MTUS2: variants seen among roughly 807,000 people sequenced by gnomAD.
MTUS2 encodes the protein microtubule-associated tumor suppressor candidate 2.
MTUS2 carries 40 observed loss-of-function variants against 114.1 expected under a neutral mutation model. The ratio of observed to expected loss-of-function variants is 0.35; its 90% CI spans 0.27 to 0.46. MTUS2 has a LOEUF of 0.46. MTUS2 is among the 20% of genes least tolerant of loss of function. MTUS2 has a pLI of 1.00. For synonymous variants in MTUS2, 688 were observed against 672.0 expected (o/e 1.02, Z -0.37); for missense variants, 1,679 against 1,705.4 (o/e 0.98, Z 0.27).
At chr13:29,224,793 A>G (rs1378796564) in intron 5 of MTUS2, among the ~76,000 whole-genome samples, 1 of 152,126 alleles carries the variant, frequency 6.6e-6, no homozygotes, top group African/African-American at 2.4e-5. Flanking sequence ...TTTTCCCACA[A>G]TATTTGCCCT....
chr13:29,323,615 G>A (rs1016819817), intron 6 of MTUS2, among the ~76,000 whole-genome samples: 3 of 152,112 alleles, frequency 2.0e-5, no homozygotes, highest in African/African-American at 7.2e-5. Context: ...AAAAATGTGG[G>A]TAGGTAAAAA....
At chr13:28,991,740 C>T (rs1179840960) in intron 2 of MTUS2, among the ~76,000 whole-genome samples, 1 of 152,110 alleles carries the variant, frequency 6.6e-6, no homozygotes, top group Non-Finnish European at 1.5e-5. Context: ...CTGGCAGGAG[C>T]TTTAAACCTG....
At chr13:29,064,160 G>GT (rs1270823665) in intron 4 of MTUS2, among the ~76,000 whole-genome samples, 1 of 152,202 alleles carries the variant, frequency 6.6e-6, no homozygotes, top group Non-Finnish European at 1.5e-5. Context: ...TCATAGAGTG[G>GT]TAGCATGGGA....
At chr13:29,488,407 G>C (rs983591199) in intron 11 of MTUS2, among the ~76,000 whole-genome samples, 1 of 151,284 alleles carries the variant, frequency 6.6e-6, no homozygotes, top group Non-Finnish European at 1.5e-5. Context: ...TCTAAAGCAG[G>C]CATGGAAATC....
rs530729561 is a variant in MTUS2, at chr13:28,965,945, A to G, written c.-242-58512A>G. On this transcript the variant is annotated intron_variant, in intron 2 of 15. Transcript: ENST00000612955. Reference sequence around the variant, plus strand: ...CAGCAACATCTAGATGGATTTGCCTAAACAACTGGGCACCATGGCCTAGCC... The same window carrying G: ...CAGCAACATCTAGATGGATTTGCCTGAACAACTGGGCACCATGGCCTAGCC... Among the ~76,000 whole-genome samples the G allele has an allele frequency of 2.7e-4, 41 of 152,328 alleles. 1 individual carries two copies. The highest frequency in any genetic ancestry group is 9.4e-4 in the African/African-American group (39 of 41,570).
intron 6 of MTUS2, among the ~76,000 whole-genome samples, chr13:29,282,747 A>G (rs888628257): frequency 2.6e-5 from 4 of 152,240 alleles, no homozygotes; most frequent in African/African-American, 9.6e-5. Context: ...TCATCATATC[A>G]ATGTATATAT....
chr13:29,415,272 G>A (rs958469107), intron 8 of MTUS2, among the ~76,000 whole-genome samples: 1 of 152,110 alleles, frequency 6.6e-6, no homozygotes, highest in Non-Finnish European at 1.5e-5. Context: ...AAAGTATAAA[G>A]TTCAATATAT....
chr13:29,250,044 T>C (rs1897068969), intron 5 of MTUS2, among the ~76,000 whole-genome samples: 1 of 152,132 alleles, frequency 6.6e-6, no homozygotes, highest in Non-Finnish European at 1.5e-5. Flanking sequence ...TTAAAGAGCT[T>C]CTGCACAGCA....
intron 7 of MTUS2, among the ~76,000 whole-genome samples, chr13:29,342,035 C>G (rs767979411): frequency 2.6e-5 from 4 of 152,086 alleles, no homozygotes; most frequent in African/African-American, 9.7e-5. Context: ...GAGTACCATG[C>G]TGTTTTGGTG....
At chr13:28,890,552 T>C (rs886437367) in intron 2 of MTUS2, among the ~76,000 whole-genome samples, 1 of 152,128 alleles carries the variant, frequency 6.6e-6, no homozygotes, top group Admixed American at 6.5e-5. Flanking sequence ...AAAAGTAAAA[T>C]ATTTACAGTA....
At chr13:29,018,108 G>A (rs1294418806) in intron 2 of MTUS2, among the ~76,000 whole-genome samples, 3 of 152,198 alleles carry the variant, frequency 2.0e-5, no homozygotes, top group Non-Finnish European at 2.9e-5. Flanking sequence ...TCATGAAGTA[G>A]GTGGGCTTTG....
chr13:29,055,866 T>C (rs1287768744), intron 4 of MTUS2, among the ~76,000 whole-genome samples: 1 of 152,094 alleles, frequency 6.6e-6, no homozygotes, highest in African/African-American at 2.4e-5. Flanking sequence ...TTTTGAAAAG[T>C]ATCTGTTAAT....
intron 9 of MTUS2, among the ~76,000 whole-genome samples, chr13:29,457,753 C>T (rs1228788915): frequency 6.6e-6 from 1 of 152,074 alleles, no homozygotes. Flanking sequence ...CCATTTTGCA[C>T]CCTCCCCAGC....
chr13:29,320,801 G>T (rs1275017315), intron 6 of MTUS2, among the ~76,000 whole-genome samples: 1 of 152,166 alleles, frequency 6.6e-6, no homozygotes, highest in African/African-American at 2.4e-5. Context: ...TTTTGTAGTT[G>T]TCCCAACAAG....
At chr13:28,937,433 C>T (rs1011584679) in intron 2 of MTUS2, among the ~76,000 whole-genome samples, 5 of 152,248 alleles carry the variant, frequency 3.3e-5, no homozygotes, top group African/African-American at 4.8e-5. Flanking sequence ...AGCGGCAACC[C>T]GCTGAGGTCC....
chr13:29,102,918 A>G (rs948409516), intron 5 of MTUS2, among the ~76,000 whole-genome samples: 3 of 152,176 alleles, frequency 2.0e-5, no homozygotes, highest in African/African-American at 4.8e-5. Context: ...TATCTTTCCA[A>G]CAAAGCTTTC....
chr13:29,228,401 G>C (rs1896194651), intron 5 of MTUS2, among the ~76,000 whole-genome samples: 2 of 152,126 alleles, frequency 1.3e-5, no homozygotes, highest in Admixed American at 6.5e-5. Flanking sequence ...GCTCACTGCA[G>C]CCACAACCTC....
rs555359257 is a variant in MTUS2, at chr13:29,185,591, C to G, written c.2644+84621C>G. Among the ~76,000 whole-genome samples, 33 of 152,198 alleles carry G rather than the reference C, an allele frequency of 2.2e-4. No individual in the cohort carries two copies. In the South Asian group the frequency reaches 6.2e-3, roughly 29 times the overall value. ...TAATGTTAACAGCTGATTTCTCCCC[C>G]CCAAAAATCATGAAGGCCAGAAAGC... On this transcript the variant is annotated intron_variant, in intron 5 of 15. Transcript: ENST00000612955.
intron 2 of MTUS2, among the ~76,000 whole-genome samples, chr13:28,890,078 C>A (rs1878827184): frequency 6.6e-6 from 1 of 152,166 alleles, no homozygotes; most frequent in Non-Finnish European, 1.5e-5. Context: ...GTCCCTGGAA[C>A]ATCCTTATTT....
Sources: allele counts gnomAD v4.1 joint callset (sites outside exome capture counted in the v4.1 genomes callset), GRCh38; gene constraint gnomAD v4.1.1; transcripts MANE v1.5; gene names NCBI Gene and HGNC (gene_info 2026-07-23, HGNC 2026-07-21).